The following PDE4D variants were observed in gnomAD, a reference collection of about 807,000 sequenced individuals.
The protein encoded by PDE4D is phosphodiesterase 4D.
PDE4D carries 24 observed loss-of-function variants against 87.4 expected under a neutral mutation model. The observed-to-expected ratio is 0.27, with a 90% CI of 0.20 to 0.39. The LOEUF (loss-of-function observed/expected upper bound fraction) is 0.39. Among genes scored for constraint, PDE4D ranks in the 10% least tolerant of loss-of-function variants. The pLI, the probability that PDE4D is intolerant of heterozygous loss-of-function variation, is 1.00. For synonymous variants in PDE4D, 384 were observed against 383.2 expected (o/e 1.00, Z -0.02); for missense variants, 714 against 1,041.0 (o/e 0.69, Z 4.32).
rs568738423 is a variant in PDE4D, at chr5:60,431,354, G to C, written c.-90+56588C>G. On this transcript the variant is annotated intron_variant, in intron 1 of 16. Transcript: ENST00000502484. ...AGGCAGAGGGTCTCCTCACTTCTCA[G>C]ATGGGGCGGCCGGGCAGAGACGCTC... Among the ~76,000 whole-genome samples the C allele has an allele frequency of 8.6e-3, 1,306 of 151,840 alleles. 14 individuals are homozygous for C. Among genetic ancestry groups the C allele is most frequent in the African/African-American group, 0.03 (1,229 of 41,370 alleles).
At position 59,750,429 on chromosome 5, in the gene PDE4D, C is replaced by T. The variant is rs531492217; in HGVS notation, c.455+142739G>A. 5.3e-5 allele frequency among the ~76,000 whole-genome samples: 8 copies of T among 152,242 alleles called. No individual in the cohort carries two copies. In the East Asian group the frequency reaches 9.7e-4, roughly 18 times the overall value. ...TATAACTTCCCCCCTCCCTCAAATA[C>T]GCCAACCACATTTGGCGTACTTGAA... On this transcript the variant is annotated intron_variant, in intron 1 of 14. Coordinates refer to ENST00000340635, the MANE Select transcript of PDE4D (RefSeq NM_001104631.2).
At chr5:59,460,876 G>A (rs945259599) in intron 1 of PDE4D, among the ~76,000 whole-genome samples, 2 of 152,150 alleles carry the variant, frequency 1.3e-5, no homozygotes, top group Admixed American at 1.3e-4. Context: ...GGTGGTACAA[G>A]TCTCCTCTCT....
Position 59,249,662 on chromosome 5 carries a change from T to C in PDE4D, c.456-33694A>G, listed in dbSNP as rs560340732. On this transcript the variant is annotated intron_variant, in intron 1 of 14. Transcript: ENST00000340635. ...AAGTGATATGGAAAAATGCTCATGA[T>C]AAAATGCTAAATTAAAAAAAGAAAT... Among the ~76,000 whole-genome samples, 14 of 152,264 alleles carry C rather than the reference T, an allele frequency of 9.2e-5. No individual in the cohort carries two copies. The East Asian group carries it at 2.7e-3, about 29-fold the overall frequency.
chr5:59,154,948 G>C (rs76864864), intron 5 of PDE4D, among the ~76,000 whole-genome samples: 3 of 152,096 alleles, frequency 2.0e-5, no homozygotes, highest in Non-Finnish European at 4.4e-5. Context: ...TATAAGTTTC[G>C]ATCTTGGCTA....
At position 59,875,227 on chromosome 5, in the gene PDE4D, C is replaced by T. The variant is rs573762100; in HGVS notation, c.455+17941G>A. On this transcript the variant is annotated intron_variant, in intron 1 of 14. Transcript: ENST00000340635. ...CTGTAATCCCAGCACTTTGGGAGGC[C>T]GAGGCGGGCGGATCACGAGGTCAAG... Among the ~76,000 whole-genome samples the T allele has an allele frequency of 2.8e-3, 423 of 151,920 alleles. 2 individuals carry two copies. Among genetic ancestry groups the T allele is most frequent in the African/African-American group, 9.6e-3 (396 of 41,450 alleles).
chr5:59,964,660 C>T (rs1314355069), intron 3 of PDE4D, among the ~76,000 whole-genome samples: 2 of 152,168 alleles, frequency 1.3e-5, no homozygotes, highest in Non-Finnish European at 2.9e-5. Flanking sequence ...CTACTCTAGA[C>T]CATGATGCCT....
chr5:59,691,745 G>A (rs528924859), intron 1 of PDE4D, among the ~76,000 whole-genome samples: 1 of 151,170 alleles, frequency 6.6e-6, no homozygotes, highest in African/African-American at 2.4e-5. Flanking sequence ...AAAAGAGACA[G>A]AGCCAAACTA....
At chr5:59,288,742 T>C (rs186495061) in intron 1 of PDE4D, among the ~76,000 whole-genome samples, 1 of 152,146 alleles carries the variant, frequency 6.6e-6, no homozygotes, top group African/African-American at 2.4e-5. Context: ...GGAGTTCCAA[T>C]ATATCTGGCA....
chr5:60,294,708 CATTT>C (rs1753219262), intron 1 of PDE4D, among the ~76,000 whole-genome samples: 1 of 151,884 alleles, frequency 6.6e-6, no homozygotes, highest in Non-Finnish European at 1.5e-5. Context: ...TTATTTCCTT[CATTT>C]ATTTGTCTAT....
At chr5:60,424,470 CA>C (rs1195128482) in intron 1 of PDE4D, among the ~76,000 whole-genome samples, 1 of 152,106 alleles carries the variant, frequency 6.6e-6, no homozygotes, top group Non-Finnish European at 1.5e-5. Context: ...AGGCCTTCAA[CA>C]AAATTCGATA....
At chr5:59,367,194 T>C (rs1783203387) in intron 1 of PDE4D, among the ~76,000 whole-genome samples, 1 of 152,222 alleles carries the variant, frequency 6.6e-6, no homozygotes, top group South Asian at 2.1e-4. Flanking sequence ...CAGCTATAAG[T>C]AGCAGAAAGT....
chr5:60,161,502 C>T (rs954386279), intron 2 of PDE4D, among the ~76,000 whole-genome samples: 27 of 152,084 alleles, frequency 1.8e-4, no homozygotes, highest in African/African-American at 6.5e-4. Context: ...CAACATTTCA[C>T]TTGAAAACGG....
chr5:60,444,847 G>C (rs1745517649), intron 1 of PDE4D, among the ~76,000 whole-genome samples: 1 of 150,900 alleles, frequency 6.6e-6, no homozygotes, highest in Non-Finnish European at 1.5e-5. Context: ...CTGTGGCACA[G>C]AGGTTATTAA....
chr5:59,534,045 A>G (rs1814699298), intron 1 of PDE4D, among the ~76,000 whole-genome samples: 1 of 152,214 alleles, frequency 6.6e-6, no homozygotes, highest in African/African-American at 2.4e-5. Flanking sequence ...CAAACCTAAA[A>G]GTATTATTTA....
chr5:59,244,268 C>A (rs1435188020), intron 1 of PDE4D, among the ~76,000 whole-genome samples: 2 of 151,666 alleles, frequency 1.3e-5, no homozygotes, highest in Non-Finnish European at 2.9e-5. Flanking sequence ...TGTGGTGGGG[C>A]AAAACTAAAA....
At chr5:59,646,645 C>T (rs1231008263) in intron 1 of PDE4D, among the ~76,000 whole-genome samples, 2 of 152,044 alleles carry the variant, frequency 1.3e-5, no homozygotes, top group Non-Finnish European at 2.9e-5. Flanking sequence ...TTGTGGCAAA[C>T]GTTTTGAACG....
rs1446876142 is a variant in PDE4D, at chr5:59,039,132, G to C, written c.809-161C>G. 1.3e-5 allele frequency: 18 copies of C among 1,369,696 alleles called. No homozygotes were observed. The East Asian group carries it at 1.8e-4, about 14-fold the overall frequency. 84.8% of individuals were successfully genotyped at this position (1,369,696 alleles called of 1,614,324 possible). ...TATTGCCCAGCCCGGCAGTGCAACG[G>C]GGGCGGAGGCTGTGCTCGCGGGGCG... On this transcript the variant is annotated intron_variant, in intron 5 of 14. Transcript: ENST00000340635.
chr5:59,628,026 G>A (rs1405604950), intron 1 of PDE4D, among the ~76,000 whole-genome samples: 2 of 152,126 alleles, frequency 1.3e-5, no homozygotes, highest in South Asian at 2.1e-4. Flanking sequence ...AATTATCTAT[G>A]CCTACTGCTT....
intron 1 of PDE4D, among the ~76,000 whole-genome samples, chr5:59,879,667 A>G (rs1327633935): frequency 3.3e-5 from 5 of 152,232 alleles, no homozygotes; most frequent in Non-Finnish European, 7.3e-5. Context: ...CTTAGACACA[A>G]ACGGCATCCA....
Sources: gnomAD v4.1 joint callset for allele counts (sites outside exome capture counted in the v4.1 genomes callset) on GRCh38, gnomAD v4.1.1 for gene constraint, MANE v1.5 for transcripts, NCBI Gene and HGNC (gene_info 2026-07-23, HGNC 2026-07-21) for gene names.